Variants in EPB41 observed in about 807,000 individuals in gnomAD.
EPB41 encodes the protein protein 4.1.
In EPB41, 65 loss-of-function variants were observed where a neutral mutation model predicts 108.0. The observed-to-expected ratio is 0.60, with a 90% CI of 0.49 to 0.74. The LOEUF (loss-of-function observed/expected upper bound fraction) is 0.74. Ranked by LOEUF, EPB41 falls within the 30% of genes least tolerant of loss-of-function variation. The pLI is 0.00. For synonymous variants in EPB41, 336 were observed against 358.9 expected (o/e 0.94, Z 0.72); for missense variants, 875 against 1,037.0 (o/e 0.84, Z 2.15).
At chr1:29,054,387 G>A (rs1157370138) in intron 12 of EPB41, 1 of 152,092 alleles carries the variant, frequency 6.6e-6, no homozygotes, top group Non-Finnish European at 1.5e-5. Context: ...TTATATGTCT[G>A]TTAAGAAATT....
chr1:29,099,047 G>A (rs1038304624), intron 17 of EPB41, among the ~76,000 whole-genome samples: 5 of 148,976 alleles, frequency 3.4e-5, no homozygotes, highest in African/African-American at 7.4e-5. Flanking sequence ...AGTGGCTCAC[G>A]CCTGTAATAC....
Position 28,997,356 on chromosome 1 carries a change from A to G in EPB41, c.786+37A>G, listed in dbSNP as rs138222761. The G allele has an allele frequency of 7.5e-4, 953 of 1,262,688 alleles. 6 individuals are homozygous for G. Among genetic ancestry groups the G allele is most frequent in the East Asian group, 5.1e-3 (220 of 43,338 alleles). The allele number at this position is 1,262,688 out of a possible 1,614,324, so 78.2% of individuals were successfully genotyped here. ...GCTTGCAATTTAAGAAGCTGACAAAAAATTTATTTTAATTCTTTTGTTGTT... is the reference window on the plus strand; with the variant it reads ...GCTTGCAATTTAAGAAGCTGACAAAGAATTTATTTTAATTCTTTTGTTGTT... On this transcript the variant is annotated intron_variant, in intron 4 of 20. Coordinates refer to ENST00000343067, the MANE Select transcript of EPB41 (RefSeq NM_001376013.1).
intron 11 of EPB41, among the ~76,000 whole-genome samples, chr1:29,039,714 T>C (rs1640768518): frequency 6.6e-6 from 1 of 151,956 alleles, no homozygotes; most frequent in Non-Finnish European, 1.5e-5. Context: ...CTTGGGAGGC[T>C]GAGACAGGAG....
chr1:29,111,586 G>C (rs919311465), intron 18 of EPB41, among the ~76,000 whole-genome samples: 3 of 152,136 alleles, frequency 2.0e-5, no homozygotes, highest in African/African-American at 7.2e-5. Context: ...CCAGTAGACA[G>C]AGCTTGCAGT....
At chr1:28,988,597 T>TA (rs1282713274) in intron 2 of EPB41, among the ~76,000 whole-genome samples, 2 of 152,082 alleles carry the variant, frequency 1.3e-5, no homozygotes, top group Admixed American at 1.3e-4. Flanking sequence ...TGACCTCAGG[T>TA]AATCTGTCCA....
At chr1:28,925,120 C>G (rs953451356) in intron 1 of EPB41, among the ~76,000 whole-genome samples, 2 of 152,148 alleles carry the variant, frequency 1.3e-5, no homozygotes, top group East Asian at 3.8e-4. Flanking sequence ...CACCCACCAC[C>G]ATGCCCGGCT....
chr1:29,029,340 A>G (rs1239868521), intron 7 of EPB41, among the ~76,000 whole-genome samples: 2 of 152,188 alleles, frequency 1.3e-5, no homozygotes, highest in African/African-American at 4.8e-5. Flanking sequence ...TCAGTAGCAA[A>G]TCTGCACCCT....
intron 1 of EPB41, among the ~76,000 whole-genome samples, chr1:28,957,498 G>A (rs2095007457): frequency 6.6e-6 from 1 of 152,118 alleles, no homozygotes; most frequent in Admixed American, 6.6e-5. Context: ...TCCGCCTCCT[G>A]GGTTGAAGCA....
At chr1:29,107,800 G>A (rs1266613429) in intron 17 of EPB41, among the ~76,000 whole-genome samples, 3 of 137,090 alleles carry the variant, frequency 2.2e-5, no homozygotes, top group Non-Finnish European at 4.6e-5. Flanking sequence ...GCAGTGAGCC[G>A]AGATCACACT....
intron 1 of EPB41, among the ~76,000 whole-genome samples, chr1:28,924,026 T>G (rs1194107835): frequency 6.6e-6 from 1 of 152,196 alleles, no homozygotes; most frequent in African/African-American, 2.4e-5. Flanking sequence ...CTCTTGGGAT[T>G]CTGGCTTTCT....
At position 29,018,347 on chromosome 1, in the gene EPB41, A is replaced by G. The variant is rs995226229; in HGVS notation, c.1029A>G (p.Glu343=). ...CTGAACTGGGAGACTACGACCCAGA[A>G]CTCCATGGCGTGGATTATGTTAGTG... ...IQSELGDYDP[E]LHGVDYVSDF... is the part of the protein sequence containing the mutation. The change falls in exon 7 of 21, where the codon GAA becomes GAG. Residue 343 remains glutamate (E), a synonymous_variant. Coordinates refer to ENST00000343067, the MANE Select transcript of EPB41 (RefSeq NM_001376013.1). The surrounding 1 kb of genome is among the most constrained non-coding windows in gnomAD (Gnocchi z 4.4). 16 of 1,614,088 alleles carry G rather than the reference A, an allele frequency of 9.9e-6. No homozygotes were observed. Among genetic ancestry groups the G allele is most frequent in the Non-Finnish European group, 1.3e-5 (15 of 1,180,038 alleles).
chr1:28,951,476 T>G (rs143896137), intron 1 of EPB41, among the ~76,000 whole-genome samples: 1 of 152,038 alleles, frequency 6.6e-6, no homozygotes, highest in African/African-American at 2.4e-5. Context: ...CAGAAAAGAC[T>G]TGAAGTGAGA....
chr1:28,928,938 C>G (rs1029790285), intron 1 of EPB41, among the ~76,000 whole-genome samples: 3 of 152,194 alleles, frequency 2.0e-5, no homozygotes, highest in South Asian at 4.1e-4. Flanking sequence ...AATCCTGGCT[C>G]TGGTACTGAC....
Position 28,887,372 on chromosome 1 carries a change from G to A in EPB41, c.-8+162G>A, listed in dbSNP as rs1031552435. On this transcript the variant is annotated intron_variant, in intron 1 of 16. Coordinates refer to the EPB41 transcript ENST00000347529. This position sits in a 1 kb window ranked among gnomAD's most constrained non-coding sequence, Gnocchi z 4.9. ...CCAGCGGTCCCGAATTCCAGAATCC[G>A]AACTTGGGGTCCAAAGGAGTCTGGG... 2.0e-6 allele frequency: 2 copies of A among 985,300 alleles called. No individual in the cohort carries two copies. Among genetic ancestry groups the A allele is most frequent in the Non-Finnish European group, 2.4e-6 (2 of 829,918 alleles). The allele number at this position is 985,300 out of a possible 1,614,324, so 61.0% of individuals were successfully genotyped here.
At chr1:28,907,362 C>T (rs1371982630) in intron 1 of EPB41, among the ~76,000 whole-genome samples, 4 of 148,344 alleles carry the variant, frequency 2.7e-5, no homozygotes, top group Admixed American at 1.3e-4. Flanking sequence ...CCACTGCACC[C>T]GGCCTTCTTT....
At chr1:29,075,806 T>C (rs1348211291) in intron 16 of EPB41, among the ~76,000 whole-genome samples, 2 of 152,222 alleles carry the variant, frequency 1.3e-5, no homozygotes, top group Non-Finnish European at 1.5e-5. Flanking sequence ...TACTCTATTA[T>C]ATATTACAAG....
At chr1:28,903,093 A>C (rs941084605) in intron 1 of EPB41, among the ~76,000 whole-genome samples, 1 of 152,294 alleles carries the variant, frequency 6.6e-6, no homozygotes, top group Middle Eastern at 3.4e-3. Flanking sequence ...GGTTGTTGTG[A>C]GAATTAAATA....
At chr1:29,049,288 A>G (rs1242909127) in intron 11 of EPB41, among the ~76,000 whole-genome samples, 1 of 152,200 alleles carries the variant, frequency 6.6e-6, no homozygotes, top group Non-Finnish European at 1.5e-5. Context: ...TAATACTAGC[A>G]ACTTAGTCAA....
At chr1:29,001,195 T>G (rs1332764133) in intron 4 of EPB41, among the ~76,000 whole-genome samples, 1 of 152,102 alleles carries the variant, frequency 6.6e-6, no homozygotes, top group Non-Finnish European at 1.5e-5. Context: ...CCAGGCATGG[T>G]GGCACATGCC....
Sources: gnomAD v4.1 joint callset for allele counts (sites outside exome capture counted in the v4.1 genomes callset) on GRCh38, gnomAD v4.1.1 for gene constraint, Gnocchi (gnomAD v3.1) non-coding constraint, MANE v1.5 for transcripts, NCBI Gene and HGNC (gene_info 2026-07-23, HGNC 2026-07-21) for gene names.